ATRNL1: variants seen among roughly 807,000 people sequenced by gnomAD.
ATRNL1 encodes the protein attractin-like protein 1.
Under a neutral mutation model 182.7 loss-of-function variants are expected in ATRNL1, and 95 were observed. The observed-to-expected ratio is 0.52, with a 90% CI of 0.44 to 0.62. The LOEUF (loss-of-function observed/expected upper bound fraction) is 0.62. Among genes scored for constraint, ATRNL1 ranks in the 20% least tolerant of loss-of-function variants. The pLI, the probability that ATRNL1 is intolerant of heterozygous loss-of-function variation, is 0.00. For missense variants in ATRNL1, 1,471 were observed against 1,679.5 expected (o/e 0.88, Z 2.17); for synonymous variants, 576 against 568.3 (o/e 1.01, Z -0.19).
intron 9 of ATRNL1, among the ~76,000 whole-genome samples, chr10:115,230,890 AG>A (rs1849900841): frequency 1.1e-5 from 1 of 90,784 alleles, no homozygotes; most frequent in African/African-American, 3.0e-5. Flanking sequence ...AGAGAGAGAG[AG>A]AGAGAGAGAG....
chr10:115,297,862 A>G (rs1331711684), intron 15 of ATRNL1, among the ~76,000 whole-genome samples: 4 of 152,052 alleles, frequency 2.6e-5, no homozygotes, highest in Non-Finnish European at 5.9e-5. Flanking sequence ...TGCTTTTTTG[A>G]GATTGCATAT....
At chr10:115,628,050 G>C (rs1229243475) in intron 26 of ATRNL1, among the ~76,000 whole-genome samples, 4 of 151,566 alleles carry the variant, frequency 2.6e-5, no homozygotes, top group Non-Finnish European at 5.9e-5. Context: ...GGGAGGCGGA[G>C]GCAGGAGAAT....
chr10:115,358,788 ACT>A (rs1856612836), intron 19 of ATRNL1, among the ~76,000 whole-genome samples: 1 of 151,372 alleles, frequency 6.6e-6, no homozygotes, highest in Non-Finnish European at 1.5e-5. Flanking sequence ...ATTTTCTTTG[ACT>A]CTCACATGCA....
chr10:115,334,438 A>C lies in ATRNL1; in HGVS notation c.3175+19A>C, dbSNP rs760587616. 4.5e-5 allele frequency: 68 copies of C among 1,503,282 alleles called. 1 individual carries two copies. The South Asian group carries it at 9.1e-4, about 20-fold the overall frequency. 93.1% of individuals were successfully genotyped at this position (1,503,282 alleles called of 1,614,324 possible). Reference sequence around the variant, plus strand: ...TGCACAGGTAAGTTTCTTTTAAGCAAATTTTGGTGTATTTTTACTAAGGAA... The same window carrying C: ...TGCACAGGTAAGTTTCTTTTAAGCACATTTTGGTGTATTTTTACTAAGGAA... On this transcript the variant is annotated intron_variant, in intron 19 of 28. Transcript: ENST00000355044.
intron 15 of ATRNL1, among the ~76,000 whole-genome samples, chr10:115,298,628 TA>T (rs1188056586): frequency 7.2e-5 from 11 of 152,154 alleles, no homozygotes; most frequent in Non-Finnish European, 1.5e-4. Context: ...CTTATTAAAA[TA>T]TTTTTCAGAA....
intron 27 of ATRNL1, among the ~76,000 whole-genome samples, chr10:115,738,668 C>A (rs567210258): frequency 6.6e-6 from 1 of 151,920 alleles, no homozygotes; most frequent in East Asian, 1.9e-4. Flanking sequence ...ACATAAACAT[C>A]GTGAGTTTCA....
At chr10:115,396,484 C>A (rs1016084869) in intron 20 of ATRNL1, among the ~76,000 whole-genome samples, 1 of 151,952 alleles carries the variant, frequency 6.6e-6, no homozygotes, top group Non-Finnish European at 1.5e-5. Context: ...TAAATAAGAA[C>A]TCTACATTCT....
intron 26 of ATRNL1, among the ~76,000 whole-genome samples, chr10:115,558,148 G>T (rs1554997789): frequency 1.3e-5 from 2 of 152,160 alleles, no homozygotes; most frequent in Admixed American, 6.5e-5. Context: ...CTGGTGGAGG[G>T]TCTTGAGTAT....
At chr10:115,407,886 C>T (rs895389356) in intron 20 of ATRNL1, among the ~76,000 whole-genome samples, 15 of 151,916 alleles carry the variant, frequency 9.9e-5, no homozygotes, top group East Asian at 3.9e-4. Context: ...ACATCCCCAC[C>T]GGCATCTTAT....
chr10:115,289,101 C>T (rs1189903575), intron 15 of ATRNL1, among the ~76,000 whole-genome samples: 1 of 152,118 alleles, frequency 6.6e-6, no homozygotes, highest in Admixed American at 6.5e-5. Context: ...AGGAGAAAGT[C>T]ACATGTTACA....
At chr10:115,556,867 T>A (rs1458083842) in intron 26 of ATRNL1, among the ~76,000 whole-genome samples, 1 of 151,008 alleles carries the variant, frequency 6.6e-6, no homozygotes, top group Non-Finnish European at 1.5e-5. Context: ...ATCTTTAAAA[T>A]GTGTGTGTGC....
At chr10:115,679,055 T>C (rs1189256551) in intron 26 of ATRNL1, among the ~76,000 whole-genome samples, 1 of 152,106 alleles carries the variant, frequency 6.6e-6, no homozygotes, top group Non-Finnish European at 1.5e-5. Context: ...GCAGTAGTTG[T>C]AAAAGTGAAG....
chr10:115,193,814 A>AT (rs1387030343), intron 8 of ATRNL1, among the ~76,000 whole-genome samples: 1 of 148,742 alleles, frequency 6.7e-6, no homozygotes, highest in East Asian at 2.0e-4. Context: ...AAGCTTTTCT[A>AT]TTTTTTTAAT....
intron 9 of ATRNL1, among the ~76,000 whole-genome samples, chr10:115,229,200 G>C (rs1298666360): frequency 6.6e-5 from 10 of 151,944 alleles, no homozygotes; most frequent in Non-Finnish European, 1.0e-4. Flanking sequence ...GTTTTCATAG[G>C]CCACACCTGG....
intron 24 of ATRNL1, among the ~76,000 whole-genome samples, chr10:115,476,047 T>C (rs1255179696): frequency 6.6e-6 from 1 of 151,348 alleles, no homozygotes; most frequent in Non-Finnish European, 1.5e-5. Context: ...TTCTGATATA[T>C]ACTCTACAGC....
chr10:115,308,433 G>A (rs958007628), intron 17 of ATRNL1, among the ~76,000 whole-genome samples: 2 of 151,988 alleles, frequency 1.3e-5, no homozygotes, highest in Non-Finnish European at 2.9e-5. Context: ...AGGATAAGGT[G>A]TTATCTCACA....
At chr10:115,580,436 A>T (rs1854998990) in intron 26 of ATRNL1, among the ~76,000 whole-genome samples, 1 of 151,924 alleles carries the variant, frequency 6.6e-6, no homozygotes, top group Non-Finnish European at 1.5e-5. Context: ...CTGGCCTGTA[A>T]TGTTTCTACT....
At chr10:115,477,021 A>T (rs1461908429) in intron 24 of ATRNL1, among the ~76,000 whole-genome samples, 4 of 151,564 alleles carry the variant, frequency 2.6e-5, no homozygotes, top group Admixed American at 6.6e-5. Context: ...GATGAGTAAT[A>T]TATTTCTCTG....
At chr10:115,270,350 T>C (rs1417815640) in intron 13 of ATRNL1, among the ~76,000 whole-genome samples, 1 of 146,230 alleles carries the variant, frequency 6.8e-6, no homozygotes, top group East Asian at 1.9e-4. Context: ...TATATACAGA[T>C]ATATAAACAA....
Sources: allele counts gnomAD v4.1 joint callset (sites outside exome capture counted in the v4.1 genomes callset), GRCh38; gene constraint gnomAD v4.1.1; transcripts MANE v1.5; gene names NCBI Gene and HGNC (gene_info 2026-07-23, HGNC 2026-07-21).